Variants in MAP3K19 observed in about 807,000 individuals in gnomAD.
MAP3K19 encodes the protein SPS1/STE20-related protein kinase YSK4.
In MAP3K19, 91 loss-of-function variants were observed where a neutral mutation model predicts 114.4. That is an observed-to-expected ratio of 0.80 (90% CI 0.67 to 0.95). MAP3K19 has a LOEUF of 0.95. MAP3K19 is among the 40% of genes least tolerant of loss of function. The pLI is 0.00. For missense variants in MAP3K19, 1,471 were observed against 1,573.2 expected (o/e 0.94, Z 1.10); for synonymous variants, 518 against 530.5 (o/e 0.98, Z 0.32).
At chr2:134,968,014 C>T (rs1486500433) in intron 12 of MAP3K19, among the ~76,000 whole-genome samples, 1 of 152,114 alleles carries the variant, frequency 6.6e-6, no homozygotes, top group Admixed American at 6.5e-5. Flanking sequence ...CGGCCTTCCG[C>T]AGTGTTTGTG....
At chr2:135,014,489 C>T (rs1687454970) in intron 5 of MAP3K19, among the ~76,000 whole-genome samples, 1 of 152,206 alleles carries the variant, frequency 6.6e-6, no homozygotes, top group Admixed American at 6.5e-5. Flanking sequence ...CACAGCCATG[C>T]CTGGCTGAAA....
rs77175068 is a variant in MAP3K19 at position 134,966,774 on chromosome 2, C to T, written c.3921-1858G>A. Among the ~76,000 whole-genome samples the T allele has an allele frequency of 2.6e-4, 40 of 152,326 alleles. No individual in the cohort carries two copies. In the South Asian group the frequency reaches 8.3e-3, roughly 32 times the overall value. ...TGTATCAGGAGGCTCATGTCTTACCCTGTCTTCTTGCCAGCCTCGAGGACG... is the reference window on the plus strand; with the variant it reads ...TGTATCAGGAGGCTCATGTCTTACCTTGTCTTCTTGCCAGCCTCGAGGACG... On this transcript the variant is annotated intron_variant, in intron 12 of 12. Transcript: ENST00000392915.
rs762798727 is a variant in MAP3K19, at chr2:134,988,160, T to C, written c.712A>G (p.Ile238Val). ...HKFPKEKERN[I>V]PSLTSFVPKL... is the part of the protein sequence containing the mutation. Reference sequence around the variant, plus strand: ...GGCACAAAAGATGTGAGACTTGGAATGTTTCTTTCTTTTTCTTTTGGAAAC... The same window carrying C: ...GGCACAAAAGATGTGAGACTTGGAACGTTTCTTTCTTTTTCTTTTGGAAAC... The change falls in exon 10 of 13, where the codon ATT becomes GTT. Residue 238 changes from isoleucine (I) to valine (V), a missense_variant. Transcript: ENST00000392915. 66 of 1,613,356 alleles carry C rather than the reference T, an allele frequency of 4.1e-5. No homozygotes were observed. Among genetic ancestry groups the C allele is most frequent in the Non-Finnish European group, 5.5e-5 (65 of 1,179,822 alleles).
At chr2:134,970,710 G>A (rs927082701) in intron 12 of MAP3K19, among the ~76,000 whole-genome samples, 5 of 150,700 alleles carry the variant, frequency 3.3e-5, no homozygotes, top group African/African-American at 1.2e-4. Context: ...CCATTCTCCT[G>A]CCTCAGCCTC....
At chr2:135,024,912 G>T (rs1484392533) in intron 3 of MAP3K19, among the ~76,000 whole-genome samples, 171 bp from the exon 4 acceptor site, 1 of 152,124 alleles carries the variant, frequency 6.6e-6, no homozygotes, top group African/African-American at 2.4e-5. Flanking sequence ...AATTTTACAA[G>T]ATTTTAAATA....
chr2:135,024,422 A>G (rs935776573), intron 4 of MAP3K19, among the ~76,000 whole-genome samples: 1 of 152,102 alleles, frequency 6.6e-6, no homozygotes, highest in African/African-American at 2.4e-5. Context: ...CATGCTGTAT[A>G]TTTTCAAAAG....
In MAP3K19 at chr2:134,988,222, G is replaced by T. The variant is rs945623943; in HGVS notation, c.650C>A (p.Thr217Lys). The change falls in exon 10 of 13, where the codon ACG becomes AAG. Residue 217 changes from threonine to lysine, a missense_variant. By Grantham distance (78) the Thr-to-Lys change is moderately conservative (BLOSUM62 -1). Transcript: ENST00000392915. ...GGGGATAGTAAGGACACCAGATCGCGTGGGCAAGAGTGACAGTGGTGGCAG... is the reference window on the plus strand; with the variant it reads ...GGGGATAGTAAGGACACCAGATCGCTTGGGCAAGAGTGACAGTGGTGGCAG... ...FLLPPLSLLP[T>K]RSGVLTIPQN... The T allele has an allele frequency of 6.3e-7, 1 of 1,584,122 alleles. No homozygotes were observed. The highest frequency in any genetic ancestry group is 1.8e-5 in the Admixed American group (1 of 54,998).
intron 11 of MAP3K19, among the ~76,000 whole-genome samples, chr2:134,981,756 T>G (rs1191746454): frequency 6.6e-6 from 1 of 152,186 alleles, no homozygotes; most frequent in African/African-American, 2.4e-5. Flanking sequence ...TGGCTTGAAT[T>G]GGCTAGAATC....
chr2:135,006,219 C>T (rs1272859166), intron 5 of MAP3K19, among the ~76,000 whole-genome samples: 1 of 152,192 alleles, frequency 6.6e-6, no homozygotes, highest in East Asian at 1.9e-4. Flanking sequence ...GAAGTTATAG[C>T]TGATGATTTT....
chr2:135,008,117 T>A (rs114695623), intron 5 of MAP3K19, among the ~76,000 whole-genome samples: 1 of 151,990 alleles, frequency 6.6e-6, no homozygotes, highest in African/African-American at 2.4e-5. Flanking sequence ...CAGAGGGTCA[T>A]AACAGTACTT....
intron 3 of MAP3K19, among the ~76,000 whole-genome samples, chr2:135,025,242 G>T (rs1688206912): frequency 6.6e-6 from 1 of 151,516 alleles, no homozygotes; most frequent in South Asian, 2.1e-4. Context: ...GCTCTTTTAT[G>T]ATTCAAAATG....
rs994517032 is a variant in MAP3K19, at chr2:135,030,363, T to C, written c.-146A>G. ...CACCTTGCCATGAACTTTGTAGAAG[T>C]TGCATTTGGGGAGCCTGGATTCTAT... is the stretch of plus-strand genomic sequence containing the variant. On this transcript the variant is annotated 5_prime_UTR_variant, in exon 3 of 13. Coordinates refer to ENST00000392915, the MANE Select transcript of MAP3K19 (RefSeq NM_025052.5). The C allele has an allele frequency of 6.6e-6, 1 of 152,640 alleles. No homozygotes were observed. The highest frequency in any genetic ancestry group is 1.5e-5 in the Non-Finnish European group (1 of 68,040). The allele number at this position is 152,640 out of a possible 1,614,324, so 9.5% of individuals were successfully genotyped here.
intron 3 of MAP3K19, among the ~76,000 whole-genome samples, chr2:135,029,144 G>C (rs927522362): frequency 1.3e-5 from 2 of 152,128 alleles, no homozygotes. Flanking sequence ...AGGCCGAGGC[G>C]GGCAGATCAC....
Position 134,987,515 on chromosome 2 carries a change from CA to C in MAP3K19, c.1356del (p.Ile452MetfsTer15). On this transcript the variant is annotated frameshift_variant, in exon 10 of 13. Coordinates refer to ENST00000392915, the MANE Select transcript of MAP3K19 (RefSeq NM_025052.5). LOFTEE classifies it high-confidence loss of function. ...SLSSVVFDDP[I>X]DKLPEGCSSM... ...CTGCTACAACCTTCTGGGAGTTTAT[CA>C]ATGGGGTCATCAAAGACTACACTGG... 1 of 1,614,156 alleles carries C rather than the reference CA, an allele frequency of 6.2e-7. No individual in the cohort carries two copies. The highest frequency in any genetic ancestry group is 1.1e-5 in the South Asian group (1 of 91,078).
rs756784634 is a variant in MAP3K19, at chr2:134,981,280, CG to C, written c.3460del (p.Arg1154ValfsTer46). The C allele has an allele frequency of 3.1e-6, 5 of 1,614,186 alleles. No individual in the cohort carries two copies. The highest frequency in any genetic ancestry group is 2.2e-5 in the East Asian group (1 of 44,884). On this transcript the variant is annotated frameshift_variant, in exon 12 of 13. Transcript: ENST00000392915. LOFTEE classifies it high-confidence loss of function. ...PGGSISSIIN[R>X]FGPLPEMVFC... ...CACCATCTCAGGCAATGGCCCAAAA[CG>C]GTTTATAATACTAGAGATTGAGCCA... is the stretch of plus-strand genomic sequence containing the variant.
Position 134,987,021 on chromosome 2 carries a change from G to T in MAP3K19, c.1851C>A (p.Ile617=). The change falls in exon 10 of 13, where the codon ATC becomes ATA. Residue 617 remains isoleucine (I), a synonymous_variant. Transcript: ENST00000392915. ...QKPKKQSFPC[I]CKNPGTQKSC... Reference sequence around the variant, plus strand: ...ACTTCTGTGTTCCTGGATTTTTACAGATGCAAGGAAATGATTGCTTTTTAG... The same window carrying T: ...ACTTCTGTGTTCCTGGATTTTTACATATGCAAGGAAATGATTGCTTTTTAG... The T allele has an allele frequency of 6.2e-7, 1 of 1,613,300 alleles. No homozygotes were observed. Among genetic ancestry groups the T allele is most frequent in the South Asian group, 1.1e-5 (1 of 91,080 alleles).
intron 6 of MAP3K19, among the ~76,000 whole-genome samples, chr2:135,001,756 T>A (rs995454628): frequency 4.6e-5 from 7 of 152,240 alleles, no homozygotes; most frequent in African/African-American, 1.7e-4. Context: ...TAAGAACAAC[T>A]GTACTTTTGC....
At chr2:135,028,680 C>T (rs906000641) in intron 3 of MAP3K19, among the ~76,000 whole-genome samples, 2 of 151,958 alleles carry the variant, frequency 1.3e-5, no homozygotes, top group African/African-American at 4.8e-5. Context: ...TTGGATAATT[C>T]AAAACTGAAA....
At position 135,023,896 on chromosome 2, in the gene MAP3K19, T is replaced by C. The variant is rs1486342529; in HGVS notation, c.22+730A>G. Among the ~76,000 whole-genome samples the C allele has an allele frequency of 2.7e-5, 4 of 150,292 alleles. 1 individual carries two copies. Among genetic ancestry groups the C allele is most frequent in the Admixed American group, 2.6e-4 (4 of 15,214 alleles). On this transcript the variant is annotated intron_variant, in intron 4 of 12. Coordinates refer to ENST00000392915, the MANE Select transcript of MAP3K19 (RefSeq NM_025052.5). ...TTAAAATTCTTTAGTGTCTGTTTTATTGAAAAAAAAAAGTGATGTCCTTCA... is the reference window on the plus strand; with the variant it reads ...TTAAAATTCTTTAGTGTCTGTTTTACTGAAAAAAAAAAGTGATGTCCTTCA...
Sources: gnomAD v4.1 joint callset for allele counts (sites outside exome capture counted in the v4.1 genomes callset) on GRCh38, gnomAD v4.1.1 for gene constraint, MANE v1.5 for transcripts, NCBI Gene and HGNC (gene_info 2026-07-23, HGNC 2026-07-21) for gene names.